ANO4: variants seen among roughly 807,000 people sequenced by gnomAD.
The protein encoded by ANO4 is anoctamin-4.
In ANO4, 69 loss-of-function variants were observed where a neutral mutation model predicts 141.9. That is an observed-to-expected ratio of 0.49 (90% confidence interval 0.40 to 0.59). The LOEUF (loss-of-function observed/expected upper bound fraction) is 0.59, where lower values mean the gene tolerates loss of function less well. ANO4 is among the 20% of genes least tolerant of loss of function. The pLI is 0.00. For synonymous variants in ANO4, 350 were observed against 394.3 expected, an observed-to-expected ratio of 0.89 and a Z score of 1.33; for missense variants, 894 against 1,162.2, an observed-to-expected ratio of 0.77 and a Z score of 3.36.
chr12:100,976,612 A>G (rs1363628139), intron 7 of ANO4, among the ~76,000 whole-genome samples: 1 of 152,168 alleles, frequency 6.6e-6, no homozygotes, highest in Non-Finnish European at 1.5e-5. Context: ...TGCAGTGGGG[A>G]TGGGGAATTT....
At chr12:101,013,540 C>G (rs191507112) in intron 8 of ANO4, among the ~76,000 whole-genome samples, 9 of 152,290 alleles carry the variant, frequency 5.9e-5, no homozygotes, top group Admixed American at 1.3e-4. Context: ...TTTTAAGATA[C>G]CATTCTGGAG....
At chr12:101,041,815 T>C (rs2047421941) in intron 11 of ANO4, among the ~76,000 whole-genome samples, 1 of 152,174 alleles carries the variant, frequency 6.6e-6, no homozygotes, top group African/African-American at 2.4e-5. Context: ...TCTGGAGAGC[T>C]GAGCCCTGAA....
intron 1 of ANO4, among the ~76,000 whole-genome samples, chr12:100,814,679 T>C (rs7137089): frequency 0.89 from 135,307 of 152,124 alleles, 60,251 homozygotes; most frequent in African/African-American, 0.92. Flanking sequence ...ATCAGTTACC[T>C]ATTTAGAACA....
At chr12:100,775,587 T>A (rs2033474246) in intron 3 of ANO4, among the ~76,000 whole-genome samples, 1 of 152,226 alleles carries the variant, frequency 6.6e-6, no homozygotes, top group Non-Finnish European at 1.5e-5. Context: ...AGTATCTCAC[T>A]TGAATAATGA....
chr12:101,004,731 A>T (rs1431503879), intron 8 of ANO4, among the ~76,000 whole-genome samples: 3 of 152,228 alleles, frequency 2.0e-5, no homozygotes, highest in Non-Finnish European at 2.9e-5. Flanking sequence ...CAATTAAAAT[A>T]AAAATGTCCC....
intron 17 of ANO4, among the ~76,000 whole-genome samples, chr12:101,088,603 T>C (rs564319732): frequency 2.0e-5 from 3 of 152,234 alleles, no homozygotes; most frequent in South Asian, 4.1e-4. Flanking sequence ...GTGTAAATTG[T>C]TGTTGCTATT....
chr12:100,882,852 ACTGTGC>A, intron 1 of ANO4, among the ~76,000 whole-genome samples: 1 of 151,850 alleles, frequency 6.6e-6, no homozygotes, highest in Non-Finnish European at 1.5e-5. Flanking sequence ...GGCACCCGCC[ACTGTGC>A]CTGGCTAAGT....
intron 14 of ANO4, among the ~76,000 whole-genome samples, chr12:101,053,875 T>C (rs2047982556): frequency 6.6e-6 from 1 of 152,236 alleles, no homozygotes; most frequent in Non-Finnish European, 1.5e-5. Flanking sequence ...GGCTTCACGC[T>C]GTAAGCAACA....
chr12:101,083,077 T>C (rs2049349799), intron 15 of ANO4, among the ~76,000 whole-genome samples: 1 of 152,186 alleles, frequency 6.6e-6, no homozygotes, highest in South Asian at 2.1e-4. Flanking sequence ...GCTTACCTTG[T>C]TTTCAATTAA....
chr12:100,922,649 TAATC>T lies in ANO4; in HGVS notation c.160+322_160+325del, dbSNP rs147377267. ...AATTTTTAGATTTCTTGATTAATCA[TAATC>T]AAAGAAAAACCTTTAAGAAAACAAA... is the stretch of plus-strand genomic sequence containing the variant. On this transcript the variant is annotated intron_variant, in intron 3 of 27. Transcript: ENST00000392977. Among the ~76,000 whole-genome samples, 143 of 152,238 alleles carry T rather than the reference TAATC, an allele frequency of 9.4e-4. 1 individual carries two copies. The highest frequency in any genetic ancestry group is 3.3e-3 in the African/African-American group (139 of 41,574).
intron 1 of ANO4, among the ~76,000 whole-genome samples, chr12:100,731,693 A>G (rs963292121): frequency 5.3e-5 from 8 of 152,050 alleles, no homozygotes; most frequent in African/African-American, 1.9e-4. Context: ...TAATCTTTTT[A>G]TTGTCTCCAT....
At chr12:100,769,272 G>T (rs2033205195) in intron 3 of ANO4, among the ~76,000 whole-genome samples, 1 of 152,212 alleles carries the variant, frequency 6.6e-6, no homozygotes, top group South Asian at 2.1e-4. Flanking sequence ...ATAAAGGAAA[G>T]ATGCTAGTGA....
At chr12:100,969,701 A>G (rs1398404926) in intron 5 of ANO4, among the ~76,000 whole-genome samples, 1 of 145,106 alleles carries the variant, frequency 6.9e-6, no homozygotes, top group East Asian at 2.3e-4. Context: ...AAGAAGAAAC[A>G]ACAAAGGATT....
At chr12:100,730,063 A>AT (rs1367121105) in intron 1 of ANO4, among the ~76,000 whole-genome samples, 1 of 151,818 alleles carries the variant, frequency 6.6e-6, no homozygotes, top group Non-Finnish European at 1.5e-5. Context: ...GATTGTATAC[A>AT]TTTTTTGGTG....
At chr12:100,802,089 C>CA (rs1371393918) in intron 1 of ANO4, among the ~76,000 whole-genome samples, 1 of 152,148 alleles carries the variant, frequency 6.6e-6, no homozygotes, top group Non-Finnish European at 1.5e-5. Flanking sequence ...TTAAATCAAT[C>CA]AGTTTAGACC....
At chr12:101,001,429 A>T (rs2045635514) in intron 8 of ANO4, among the ~76,000 whole-genome samples, 1 of 152,194 alleles carries the variant, frequency 6.6e-6, no homozygotes, top group Admixed American at 6.5e-5. Flanking sequence ...CGCCCTCCAC[A>T]TTATCTTTTT....
At chr12:100,900,620 C>G (rs1310789892) in intron 1 of ANO4, among the ~76,000 whole-genome samples, 1 of 152,124 alleles carries the variant, frequency 6.6e-6, no homozygotes, top group Non-Finnish European at 1.5e-5. Context: ...CCACGGAATA[C>G]TATGCAGCCA....
At chr12:100,858,316 G>A (rs1260285632) in intron 1 of ANO4, among the ~76,000 whole-genome samples, 3 of 151,742 alleles carry the variant, frequency 2.0e-5, no homozygotes, top group African/African-American at 7.3e-5. Flanking sequence ...TAACACAGTG[G>A]TATTTTTGTG....
intron 1 of ANO4, among the ~76,000 whole-genome samples, chr12:100,886,994 A>G (rs779627260): frequency 6.6e-6 from 1 of 152,216 alleles, no homozygotes; most frequent in Admixed American, 6.5e-5. Flanking sequence ...CCTTGGGCCT[A>G]GCAGGGGTAG....
Sources: allele counts gnomAD v4.1 joint callset (sites outside exome capture counted in the v4.1 genomes callset), GRCh38; gene constraint gnomAD v4.1.1; transcripts MANE v1.5; gene names NCBI Gene and HGNC (gene_info 2026-07-23, HGNC 2026-07-21).